Variants in MITF observed in about 807,000 individuals in gnomAD.
MITF encodes the protein melanocyte inducing transcription factor.
A neutral mutation model predicts 60.5 loss-of-function variants in MITF; 17 were observed. The ratio of observed to expected loss-of-function variants is 0.28; its 90% CI spans 0.19 to 0.42. The LOEUF (loss-of-function observed/expected upper bound fraction) is 0.42, where lower values mean the gene tolerates loss of function less well. Among genes scored for constraint, MITF ranks in the 10% least tolerant of loss-of-function variants. The probability of loss-of-function intolerance (pLI) is 1.00; values close to 1 mark genes in which losing one functional copy is unlikely to be tolerated. For synonymous variants in MITF, 260 were observed against 248.5 expected (o/e 1.05, Z -0.43); for missense variants, 622 against 683.5 (o/e 0.91, Z 1.00).
intron 1 of MITF, among the ~76,000 whole-genome samples, chr3:69,850,513 C>T (rs1212648397): frequency 6.6e-6 from 1 of 151,964 alleles, no homozygotes; most frequent in African/African-American, 2.4e-5. Context: ...ACTTAAGAAC[C>T]TTTTGAAAGG....
At chr3:69,767,486 G>A (rs2062316656) in intron 1 of MITF, among the ~76,000 whole-genome samples, 2 of 152,162 alleles carry the variant, frequency 1.3e-5, no homozygotes, top group South Asian at 4.1e-4. Flanking sequence ...TTGGGAGGCT[G>A]AGGCAGGAGA....
rs2066696708 is a variant in MITF, at chr3:69,966,643, ATAAAGT to A, written c.*1398_*1403del. ...CAATGTTTTAACAAGAAGCAATGTT[ATAAAGT>A]TAGTTTCAGTGCATTATCTACTTGT... On this transcript the variant is annotated 3_prime_UTR_variant, in exon 10 of 10. Coordinates refer to ENST00000352241, the MANE Select transcript of MITF (RefSeq NM_001354604.2). 1 of 233,060 alleles carries A rather than the reference ATAAAGT, an allele frequency of 4.3e-6. No homozygotes were observed. Among genetic ancestry groups the A allele is most frequent in the Admixed American group, 5.6e-5 (1 of 17,780 alleles). The allele number at this position is 233,060 out of a possible 1,614,324, so 14.4% of individuals were successfully genotyped here. A position where few individuals can be genotyped will look rare whatever the true frequency, so the allele number is the denominator to read the frequency against.
chr3:69,920,135 A>G (rs1575964055), intron 2 of MITF, among the ~76,000 whole-genome samples: 1 of 152,198 alleles, frequency 6.6e-6, no homozygotes, highest in Non-Finnish European at 1.5e-5. Context: ...AGGTGTGACC[A>G]GAAGACAAGA....
At chr3:69,848,405 G>T (rs2063767866) in intron 1 of MITF, among the ~76,000 whole-genome samples, 1 of 152,172 alleles carries the variant, frequency 6.6e-6, no homozygotes, top group Non-Finnish European at 1.5e-5. Context: ...AGGGTTTTGT[G>T]AATGTTCTGT....
intron 2 of MITF, among the ~76,000 whole-genome samples, chr3:69,894,374 C>T (rs111523262): frequency 1.2e-4 from 19 of 152,268 alleles, no homozygotes; most frequent in Admixed American, 1.1e-3. Context: ...CATGATATGT[C>T]CATTTAATTT....
At chr3:69,842,510 C>A (rs559961401) in intron 1 of MITF, among the ~76,000 whole-genome samples, 4 of 152,224 alleles carry the variant, frequency 2.6e-5, no homozygotes, top group South Asian at 2.1e-4. Flanking sequence ...GAAACTGGAT[C>A]AAAAATTATA....
At chr3:69,792,892 G>T (rs918911904) in intron 1 of MITF, among the ~76,000 whole-genome samples, 2 of 149,490 alleles carry the variant, frequency 1.3e-5, no homozygotes. Context: ...TATTTTTAAA[G>T]CTTTACCCTG....
At chr3:69,892,392 A>G (rs1320259676) in intron 2 of MITF, among the ~76,000 whole-genome samples, 1 of 152,234 alleles carries the variant, frequency 6.6e-6, no homozygotes, top group African/African-American at 2.4e-5. Context: ...TTCTAACCCC[A>G]GAGTGGTACA....
chr3:69,892,284 T>A (rs1294491175), intron 2 of MITF, among the ~76,000 whole-genome samples: 1 of 152,232 alleles, frequency 6.6e-6, no homozygotes, highest in Non-Finnish European at 1.5e-5. Context: ...ATTTTTTGTT[T>A]TTTAGACTTT....
At chr3:69,775,038 T>G (rs1407616913) in intron 1 of MITF, among the ~76,000 whole-genome samples, 1 of 152,212 alleles carries the variant, frequency 6.6e-6, no homozygotes, top group East Asian at 1.9e-4. Flanking sequence ...CTGTTTTCTT[T>G]CTACTCATCC....
intron 2 of MITF, among the ~76,000 whole-genome samples, chr3:69,903,508 C>A (rs1017078781): frequency 2.6e-5 from 4 of 152,040 alleles, no homozygotes; most frequent in Admixed American, 2.0e-4. Flanking sequence ...GAGCCTAGAT[C>A]CAGTTTAATT....
intron 1 of MITF, among the ~76,000 whole-genome samples, chr3:69,795,191 T>TTTTTTTTA: frequency 6.6e-6 from 1 of 152,218 alleles, no homozygotes; most frequent in South Asian, 2.1e-4. Context: ...CTGTTGTAAA[T>TTTTTTTTA]AGATTTTCTT....
intron 1 of MITF, among the ~76,000 whole-genome samples, chr3:69,749,930 A>G (rs1703865825): frequency 6.6e-6 from 1 of 152,204 alleles, no homozygotes; most frequent in African/African-American, 2.4e-5. Flanking sequence ...TTGGAAGGTA[A>G]TTCTAACAAT....
At chr3:69,830,111 A>C (rs2107092162) in intron 1 of MITF, among the ~76,000 whole-genome samples, 1 of 152,224 alleles carries the variant, frequency 6.6e-6, no homozygotes, top group East Asian at 1.9e-4. Flanking sequence ...AAATTAGGGC[A>C]GTGTTTTGTG....
At chr3:69,858,661 C>G (rs1229730016) in intron 1 of MITF, among the ~76,000 whole-genome samples, 1 of 152,104 alleles carries the variant, frequency 6.6e-6, no homozygotes, top group Non-Finnish European at 1.5e-5. Flanking sequence ...TGTCTACTAT[C>G]AGAAGTTACA....
intron 1 of MITF, among the ~76,000 whole-genome samples, chr3:69,748,198 A>G (rs1009528023): frequency 1.3e-5 from 2 of 152,220 alleles, no homozygotes; most frequent in African/African-American, 2.4e-5. Flanking sequence ...GGATTTTAGT[A>G]GCTGTGTTCT....
intron 1 of MITF, among the ~76,000 whole-genome samples, chr3:69,833,095 T>C (rs904693304): frequency 5.3e-5 from 8 of 152,250 alleles, no homozygotes; most frequent in African/African-American, 1.9e-4. Context: ...TGTTTCCCTG[T>C]TTATACTGTA....
At chr3:69,912,062 A>G (rs1178543842) in intron 2 of MITF, among the ~76,000 whole-genome samples, 3 of 152,248 alleles carry the variant, frequency 2.0e-5, no homozygotes, top group East Asian at 1.9e-4. Flanking sequence ...GAGAGAAAAT[A>G]AATGAATTAG....
At chr3:69,782,917 T>C (rs2062589133) in intron 1 of MITF, among the ~76,000 whole-genome samples, 1 of 152,194 alleles carries the variant, frequency 6.6e-6, no homozygotes, top group African/African-American at 2.4e-5. Flanking sequence ...AACATAAAAA[T>C]TAACACATTT....
Sources: gnomAD v4.1 joint callset for allele counts (sites outside exome capture counted in the v4.1 genomes callset) on GRCh38, gnomAD v4.1.1 for gene constraint, MANE v1.5 for transcripts, NCBI Gene and HGNC (gene_info 2026-07-23, HGNC 2026-07-21) for gene names.